PLEKHH2: variants seen among roughly 807,000 people sequenced by gnomAD.
PLEKHH2 encodes the protein pleckstrin homology domain-containing family H member 2.
PLEKHH2 carries 129 observed loss-of-function variants against 187.9 expected under a neutral mutation model. The ratio of observed to expected loss-of-function variants is 0.69; its 90% CI spans 0.59 to 0.79. PLEKHH2 has a LOEUF of 0.79. PLEKHH2 is among the 30% of genes least tolerant of loss of function. The probability of loss-of-function intolerance (pLI) is 0.00; values close to 1 mark genes in which losing one functional copy is unlikely to be tolerated. For missense variants in PLEKHH2, 2,076 were observed against 1,751.2 expected (o/e 1.19, Z -3.31); for synonymous variants, 686 against 605.6 (o/e 1.13, Z -1.95).
At chr2:43,637,676 C>T (rs1267858368) in intron 1 of PLEKHH2, among the ~76,000 whole-genome samples, 1 of 152,138 alleles carries the variant, frequency 6.6e-6, no homozygotes, top group East Asian at 1.9e-4. Context: ...TTTGGAAACA[C>T]TGGGCCCGGG....
chr2:43,756,680 G>A (rs551627863), intron 25 of PLEKHH2, among the ~76,000 whole-genome samples: 4 of 152,124 alleles, frequency 2.6e-5, no homozygotes, highest in Middle Eastern at 3.2e-3. Context: ...GGTGGCTCTG[G>A]CTCACGCTTG....
intron 3 of PLEKHH2, among the ~76,000 whole-genome samples, chr2:43,680,307 T>C (rs1431082431): frequency 1.3e-5 from 2 of 152,192 alleles, no homozygotes; most frequent in East Asian, 1.9e-4. Flanking sequence ...AAATAGTAAA[T>C]GTTTGAGGTG....
chr2:43,639,795 T>C (rs1387588802), intron 1 of PLEKHH2, among the ~76,000 whole-genome samples: 4 of 152,012 alleles, frequency 2.6e-5, no homozygotes. Context: ...TAGCTGGAAT[T>C]ATAGGCCTGC....
intron 2 of PLEKHH2, among the ~76,000 whole-genome samples, chr2:43,653,447 G>T (rs2888879): frequency 0.4 from 61,124 of 151,970 alleles, 12,523 homozygotes; most frequent in Non-Finnish European, 0.44. Flanking sequence ...GGCCAATTAT[G>T]AATTTTATTT....
At position 43,765,683 on chromosome 2, in the gene PLEKHH2, A is replaced by T; in HGVS notation, c.*85A>T. 7.7e-7 allele frequency: 1 copy of T among 1,305,438 alleles called. No homozygotes were observed. The highest frequency in any genetic ancestry group is 2.5e-5 in the Admixed American group (1 of 39,266). 80.9% of individuals were successfully genotyped at this position (1,305,438 alleles called of 1,614,324 possible). ...TACAAGTTCGTTTACACCTGGCAGC[A>T]CGGCAGCCACACACCGGTATTCCAA... On this transcript the variant is annotated 3_prime_UTR_variant, in exon 30 of 30. Transcript: ENST00000282406.
chr2:43,746,629 C>T (rs1294507059), intron 24 of PLEKHH2, among the ~76,000 whole-genome samples: 1 of 152,292 alleles, frequency 6.6e-6, no homozygotes, highest in Non-Finnish European at 1.5e-5. Context: ...TTTTCACTTT[C>T]ATAATTTCCT....
chr2:43,694,316 G>A (rs956693618), intron 4 of PLEKHH2, 115 bp from the exon 5 acceptor site: 1 of 1,214,150 alleles, frequency 8.2e-7, no homozygotes, highest in African/African-American at 1.6e-5. Flanking sequence ...TTTGAAAGCA[G>A]ATATAGTAAC....
intron 2 of PLEKHH2, among the ~76,000 whole-genome samples, chr2:43,652,841 C>T (rs117781674): frequency 4.6e-4 from 70 of 152,180 alleles, no homozygotes; most frequent in African/African-American, 1.5e-3. Flanking sequence ...ACAAAATGAG[C>T]AAAACTCTAT....
At chr2:43,676,482 G>C (rs1667799130) in intron 2 of PLEKHH2, among the ~76,000 whole-genome samples, 2 of 152,002 alleles carry the variant, frequency 1.3e-5, no homozygotes, top group Admixed American at 1.3e-4. Flanking sequence ...GGGCAGGAGC[G>C]GGACGCGGCG....
chr2:43,676,910 A>G (rs1572532645), intron 2 of PLEKHH2, among the ~76,000 whole-genome samples: 1 of 152,174 alleles, frequency 6.6e-6, no homozygotes, highest in African/African-American at 2.4e-5. Flanking sequence ...TGATGTCATT[A>G]TGACTTTTTG....
intron 16 of PLEKHH2, among the ~76,000 whole-genome samples, chr2:43,724,306 C>T (rs976450408): frequency 1.3e-5 from 2 of 152,228 alleles, no homozygotes; most frequent in African/African-American, 4.8e-5. Flanking sequence ...GGCTCCAGCA[C>T]TGAGCCCTGA....
chr2:43,699,200 ACT>A (rs1175121530), intron 7 of PLEKHH2, among the ~76,000 whole-genome samples: 3 of 120,860 alleles, frequency 2.5e-5, no homozygotes, highest in African/African-American at 1.1e-4. Context: ...CTCTCTTTAG[ACT>A]CTCAGTTTTT....
intron 2 of PLEKHH2, among the ~76,000 whole-genome samples, chr2:43,677,348 C>T (rs1273910188): frequency 2.0e-5 from 3 of 152,090 alleles, no homozygotes; most frequent in South Asian, 2.1e-4. Context: ...CCCTTCGGCC[C>T]TCTGCAGTGT....
At chr2:43,660,204 A>G (rs1440178264) in intron 2 of PLEKHH2, among the ~76,000 whole-genome samples, 1 of 152,174 alleles carries the variant, frequency 6.6e-6, no homozygotes, top group Non-Finnish European at 1.5e-5. Flanking sequence ...TGTTGTCTGT[A>G]TCTATAGTTT....
intron 24 of PLEKHH2, among the ~76,000 whole-genome samples, chr2:43,751,652 C>A (rs542032768): frequency 1.3e-3 from 205 of 152,318 alleles, no homozygotes; most frequent in Middle Eastern, 3.4e-3. Flanking sequence ...CTAATCTAAG[C>A]CTTGCCTGCT....
At position 43,712,213 on chromosome 2, in the gene PLEKHH2, G is replaced by A. The variant is rs375767513; in HGVS notation, c.2302-12G>A. On this transcript the variant is annotated splice_polypyrimidine_tract_variant and intron_variant, in intron 14 of 29. Transcript: ENST00000282406. ...CAGTTTTCTTTCCTATACCTTTCTC[G>A]TTGCATTCTAGTTGACCACTGAAAA... 5.0e-5 allele frequency: 80 copies of A among 1,610,020 alleles called. No individual in the cohort carries two copies. The highest frequency in any genetic ancestry group is 6.0e-5 in the Non-Finnish European group (70 of 1,176,430).
intron 2 of PLEKHH2, among the ~76,000 whole-genome samples, chr2:43,677,914 G>T (rs568043529): frequency 2.3e-5 from 1 of 42,856 alleles, no homozygotes; most frequent in South Asian, 6.1e-4. Context: ...CGGGGCGGCT[G>T]GCCGGGCGGG....
intron 25 of PLEKHH2, among the ~76,000 whole-genome samples, chr2:43,755,955 C>G (rs1349793734): frequency 6.6e-6 from 1 of 152,172 alleles, no homozygotes; most frequent in Non-Finnish European, 1.5e-5. Context: ...GCACTAGTAA[C>G]TGGGATAGAG....
chr2:43,754,976 G>A (rs765330217), intron 25 of PLEKHH2, among the ~76,000 whole-genome samples: 6 of 149,686 alleles, frequency 4.0e-5, no homozygotes, highest in Non-Finnish European at 5.9e-5. Context: ...GGGTTCAAGC[G>A]ATTCTCCTGC....
Sources: allele counts gnomAD v4.1 joint callset (sites outside exome capture counted in the v4.1 genomes callset), GRCh38; gene constraint gnomAD v4.1.1; transcripts MANE v1.5; gene names NCBI Gene and HGNC (gene_info 2026-07-23, HGNC 2026-07-21).